The following CNTN5 variants were observed in gnomAD, a reference collection of about 807,000 sequenced individuals.
CNTN5 encodes contactin-5.
Under a neutral mutation model 129.1 loss-of-function variants are expected in CNTN5, and 77 were observed. That is an observed-to-expected ratio of 0.60 (90% CI 0.50 to 0.72). The LOEUF (loss-of-function observed/expected upper bound fraction) is 0.72. CNTN5 is among the 30% of genes least tolerant of loss of function. The pLI is 0.00. For synonymous variants in CNTN5, 509 were observed against 465.6 expected (o/e 1.09, Z -1.20); for missense variants, 1,478 against 1,328.8 (o/e 1.11, Z -1.75).
chr11:99,349,132 A>G (rs746860747), intron 2 of CNTN5, among the ~76,000 whole-genome samples: 9 of 152,214 alleles, frequency 5.9e-5, no homozygotes, highest in Non-Finnish European at 1.3e-4. Context: ...ACAATCAGAA[A>G]CACCATCTGA....
At chr11:100,318,819 C>T (rs980780002) in intron 21 of CNTN5, among the ~76,000 whole-genome samples, 3 of 151,798 alleles carry the variant, frequency 2.0e-5, no homozygotes, top group Non-Finnish European at 4.4e-5. Context: ...TGTTTAAACA[C>T]AAAAAGAAAA....
intron 6 of CNTN5, among the ~76,000 whole-genome samples, chr11:99,915,193 G>T (rs886489386): frequency 6.6e-6 from 1 of 152,050 alleles, no homozygotes; most frequent in African/African-American, 2.4e-5. Context: ...CAATAAAGTA[G>T]TCTAAAAGTT....
chr11:99,422,180 A>C (rs1942917082), intron 2 of CNTN5, among the ~76,000 whole-genome samples: 1 of 152,180 alleles, frequency 6.6e-6, no homozygotes, highest in Non-Finnish European at 1.5e-5. Context: ...ATTTGTTTTT[A>C]ACATTTAACT....
chr11:99,120,242 C>T (rs1160341127), intron 1 of CNTN5: 3 of 152,166 alleles, frequency 2.0e-5, no homozygotes, highest in African/African-American at 2.4e-5. Flanking sequence ...CACTGATCAC[C>T]GTTGATTCGG....
At position 99,687,324 on chromosome 11, in the gene CNTN5, G is replaced by A. The variant is rs145857372; in HGVS notation, c.55+131055G>A. Among the ~76,000 whole-genome samples, 172 of 152,182 alleles carry A rather than the reference G, an allele frequency of 1.1e-3. 1 individual carries two copies. In the South Asian group the frequency reaches 0.018, roughly 16 times the overall value. On this transcript the variant is annotated intron_variant, in intron 3 of 24. Transcript: ENST00000524871. ...TAATACCTCTCAGTGTACTGGAACTGTAATTTACTAAGTAATTAGATGTCT... is the reference window on the plus strand; with the variant it reads ...TAATACCTCTCAGTGTACTGGAACTATAATTTACTAAGTAATTAGATGTCT...
intron 1 of CNTN5, among the ~76,000 whole-genome samples, chr11:99,265,645 A>G (rs1467093862): frequency 1.3e-5 from 2 of 151,942 alleles, no homozygotes; most frequent in Admixed American, 1.3e-4. Context: ...ATTTTCAGTA[A>G]TTTATGTGAA....
At chr11:99,881,263 G>T (rs1948764410) in intron 6 of CNTN5, among the ~76,000 whole-genome samples, 1 of 152,040 alleles carries the variant, frequency 6.6e-6, no homozygotes, top group South Asian at 2.1e-4. Flanking sequence ...CACAGTACAT[G>T]GTTTCACAGG....
At chr11:99,899,897 G>T (rs926362595) in intron 6 of CNTN5, among the ~76,000 whole-genome samples, 7 of 151,916 alleles carry the variant, frequency 4.6e-5, no homozygotes, top group African/African-American at 1.7e-4. Flanking sequence ...TCTTATTACT[G>T]ATTCAATTTC....
intron 1 of CNTN5, among the ~76,000 whole-genome samples, chr11:99,216,882 T>C (rs1264642777): frequency 2.0e-5 from 3 of 150,674 alleles, no homozygotes; most frequent in Admixed American, 1.3e-4. Flanking sequence ...ATCTGATAGG[T>C]GATTAATAAT....
chr11:99,442,672 CAT>C (rs1943886927), intron 2 of CNTN5, among the ~76,000 whole-genome samples: 1 of 152,172 alleles, frequency 6.6e-6, no homozygotes, highest in South Asian at 2.1e-4. Context: ...AGAACAAAGA[CAT>C]ATAAAACCAG....
At chr11:100,203,582 A>G (rs903207592) in intron 15 of CNTN5, among the ~76,000 whole-genome samples, 1 of 151,880 alleles carries the variant, frequency 6.6e-6, no homozygotes, top group African/African-American at 2.4e-5. Context: ...CTTTACTCCC[A>G]TATATCCATC....
At chr11:99,947,717 G>A (rs1356491104) in intron 7 of CNTN5, among the ~76,000 whole-genome samples, 1 of 152,038 alleles carries the variant, frequency 6.6e-6, no homozygotes, top group Non-Finnish European at 1.5e-5. Context: ...ACTCTAGAGG[G>A]TTTTGTCCTC....
intron 3 of CNTN5, among the ~76,000 whole-genome samples, chr11:99,712,964 CT>C (rs916846307): frequency 7.2e-5 from 11 of 151,768 alleles, no homozygotes; most frequent in African/African-American, 2.4e-4. Flanking sequence ...TAGGTGGGCT[CT>C]TTTTTTTGTT....
At chr11:100,119,457 A>G (rs1279885679) in intron 13 of CNTN5, among the ~76,000 whole-genome samples, 1 of 151,894 alleles carries the variant, frequency 6.6e-6, no homozygotes, top group East Asian at 1.9e-4. Context: ...AGACAACAAA[A>G]CAGTTCTTAC....
intron 3 of CNTN5, among the ~76,000 whole-genome samples, chr11:99,562,177 T>G (rs1018314062): frequency 5.3e-5 from 8 of 152,220 alleles, no homozygotes; most frequent in South Asian, 2.1e-4. Flanking sequence ...GACTAAAATC[T>G]GCATATCAAA....
intron 4 of CNTN5, among the ~76,000 whole-genome samples, chr11:99,821,009 T>C (rs1057494237): frequency 6.6e-6 from 1 of 152,220 alleles, no homozygotes; most frequent in African/African-American, 2.4e-5. Flanking sequence ...TATGTAAGCA[T>C]GATGTTAGAA....
At chr11:99,057,811 T>TGA (rs1389314043) in intron 1 of CNTN5, among the ~76,000 whole-genome samples, 75 of 151,364 alleles carry the variant, frequency 5.0e-4, no homozygotes, top group African/African-American at 1.8e-3. Context: ...TGTGTGTGTG[T>TGA]GTGTGTATGG....
chr11:99,047,735 C>T (rs560466671), intron 1 of CNTN5, among the ~76,000 whole-genome samples: 1 of 152,072 alleles, frequency 6.6e-6, no homozygotes, highest in Non-Finnish European at 1.5e-5. Flanking sequence ...AACACCTCCA[C>T]AAATGATAGC....
At chr11:99,879,615 A>G (rs2053451631) in intron 6 of CNTN5, among the ~76,000 whole-genome samples, 1 of 152,018 alleles carries the variant, frequency 6.6e-6, no homozygotes, top group African/African-American at 2.4e-5. Context: ...GATTTGTTTC[A>G]TTTTGTTTTT....
Sources: gnomAD v4.1 joint callset for allele counts (sites outside exome capture counted in the v4.1 genomes callset) on GRCh38, gnomAD v4.1.1 for gene constraint, MANE v1.5 for transcripts, NCBI Gene and HGNC (gene_info 2026-07-23, HGNC 2026-07-21) for gene names.